Variants in FOXP2 observed in about 807,000 individuals in gnomAD.
FOXP2 encodes forkhead box protein P2.
In FOXP2, 12 loss-of-function variants were observed where a neutral mutation model predicts 115.8. The observed-to-expected ratio is 0.10, with a 90% CI of 0.07 to 0.17. The LOEUF is 0.17. Among genes scored for constraint, FOXP2 ranks in the 10% least tolerant of loss-of-function variants. The pLI is 1.00. For synonymous variants in FOXP2, 328 were observed against 297.7 expected (o/e 1.10, Z -1.05); for missense variants, 629 against 843.5 (o/e 0.75, Z 3.15).
intron 1 of FOXP2, among the ~76,000 whole-genome samples, chr7:114,116,846 G>A (rs980143251): frequency 2.0e-5 from 3 of 152,028 alleles, no homozygotes; most frequent in Non-Finnish European, 2.9e-5. Flanking sequence ...TCAGTCTCCC[G>A]CTCTTCAAAG....
chr7:114,398,114 A>G (rs1441411458), intron 2 of FOXP2, among the ~76,000 whole-genome samples: 4 of 152,168 alleles, frequency 2.6e-5, no homozygotes, highest in African/African-American at 4.8e-5. Context: ...AAGTTAACAT[A>G]TAATAAAAGA....
chr7:114,440,084 A>G (rs532729240), intron 2 of FOXP2, among the ~76,000 whole-genome samples: 6 of 152,154 alleles, frequency 3.9e-5, no homozygotes, highest in Non-Finnish European at 8.8e-5. Context: ...CATTAATATA[A>G]TGGTTAGGAC....
chr7:114,163,564 A>G (rs1792895593), intron 1 of FOXP2, among the ~76,000 whole-genome samples: 1 of 152,140 alleles, frequency 6.6e-6, no homozygotes, highest in Non-Finnish European at 1.5e-5. Flanking sequence ...ATTGAACTGA[A>G]TTTTTATCCA....
At chr7:114,563,777 T>C (rs1419565884) in intron 3 of FOXP2, among the ~76,000 whole-genome samples, 2 of 152,210 alleles carry the variant, frequency 1.3e-5, no homozygotes, top group Non-Finnish European at 2.9e-5. Context: ...ATTTACTATT[T>C]CCAAATGAAC....
chr7:114,517,546 T>C (rs1273901993), intron 2 of FOXP2, among the ~76,000 whole-genome samples: 2 of 152,200 alleles, frequency 1.3e-5, no homozygotes, highest in African/African-American at 2.4e-5. Flanking sequence ...ATCTAGTGGA[T>C]ATATGCAGTT....
rs75306477 is a variant in FOXP2 at position 114,628,569 on chromosome 7, C to T, written c.288C>T (p.Pro96=). The T allele has an allele frequency of 1.3e-4, 212 of 1,614,068 alleles. No homozygotes were observed. In the East Asian group the frequency reaches 4.3e-3, roughly 32 times the overall value. ...CTGTGTCAGTGGCCATGATGACTCC[C>T]CAGGTGATCACCCCTCAGCAAATGC... ...QVPVSVAMMT[P]QVITPQQMQQ... is the part of the protein sequence containing the mutation. Residue 96 remains proline (P), a synonymous_variant, in exon 4 of 17, where the codon CCC becomes CCT. Transcript: ENST00000350908.
chr7:114,352,741 TCCC>T (rs1791523696), intron 2 of FOXP2, among the ~76,000 whole-genome samples: 2 of 152,018 alleles, frequency 1.3e-5, no homozygotes, highest in South Asian at 4.2e-4. Flanking sequence ...AAACATCCTG[TCCC>T]TAAATACAGT....
intron 2 of FOXP2, among the ~76,000 whole-genome samples, chr7:114,514,958 A>G (rs1412387346): frequency 6.6e-6 from 1 of 151,134 alleles, no homozygotes; most frequent in Non-Finnish European, 1.5e-5. Context: ...ATGAGTGAGA[A>G]TATGCGGTGT....
At chr7:114,392,975 A>T (rs1177824073) in intron 2 of FOXP2, among the ~76,000 whole-genome samples, 3 of 152,126 alleles carry the variant, frequency 2.0e-5, no homozygotes, top group Non-Finnish European at 4.4e-5. Context: ...GGCCATTTAA[A>T]CCACATGGCT....
intron 3 of FOXP2, among the ~76,000 whole-genome samples, chr7:114,545,337 T>A (rs2129283641): frequency 6.6e-6 from 1 of 152,334 alleles, no homozygotes; most frequent in South Asian, 2.1e-4. Flanking sequence ...TGTCTAAATC[T>A]GAACTAATTA....
chr7:114,149,563 C>T (rs1792474521), intron 1 of FOXP2, among the ~76,000 whole-genome samples: 1 of 151,878 alleles, frequency 6.6e-6, no homozygotes, highest in South Asian at 2.1e-4. Flanking sequence ...CTTTAATTAC[C>T]ATCAAAGAGT....
At chr7:114,264,974 C>G (rs1273505132) in intron 1 of FOXP2, among the ~76,000 whole-genome samples, 1 of 152,164 alleles carries the variant, frequency 6.6e-6, no homozygotes, top group Non-Finnish European at 1.5e-5. Flanking sequence ...GCACTTCCCA[C>G]CAGGCCCTAC....
At chr7:114,448,411 G>A (rs559810554) in intron 2 of FOXP2, among the ~76,000 whole-genome samples, 49 of 152,188 alleles carry the variant, frequency 3.2e-4, no homozygotes, top group Middle Eastern at 6.8e-3. Flanking sequence ...GGCGCAGGCA[G>A]ACTCATACAA....
intron 1 of FOXP2, among the ~76,000 whole-genome samples, chr7:114,153,929 A>G (rs1584510848): frequency 6.6e-6 from 1 of 152,130 alleles, no homozygotes; most frequent in Non-Finnish European, 1.5e-5. Context: ...AGATCTGCAT[A>G]GTAAATCAAG....
At chr7:114,314,847 C>T (rs982779859) in intron 2 of FOXP2, among the ~76,000 whole-genome samples, 7 of 152,114 alleles carry the variant, frequency 4.6e-5, no homozygotes, top group African/African-American at 1.4e-4. Context: ...GGCATGGTCT[C>T]CATATTCCAC....
At chr7:114,500,789 A>G (rs1382137774) in intron 2 of FOXP2, among the ~76,000 whole-genome samples, 1 of 152,174 alleles carries the variant, frequency 6.6e-6, no homozygotes, top group African/African-American at 2.4e-5. Context: ...ATTTTTTCAC[A>G]TAAAAAGTAA....
intron 2 of FOXP2, among the ~76,000 whole-genome samples, chr7:114,521,320 T>G (rs923435450): frequency 6.6e-6 from 1 of 152,062 alleles, no homozygotes; most frequent in Non-Finnish European, 1.5e-5. Flanking sequence ...ATATCCTTTT[T>G]CTAGACCCAT....
intron 3 of FOXP2, 66 bp from the exon 4 acceptor site, chr7:114,628,474 T>C: frequency 6.3e-7 from 1 of 1,590,766 alleles, no homozygotes; most frequent in East Asian, 2.2e-5. Flanking sequence ...ATACTATTTG[T>C]GAAGTTGATT....
chr7:114,497,793 C>G (rs1479067011), intron 2 of FOXP2, among the ~76,000 whole-genome samples: 1 of 152,054 alleles, frequency 6.6e-6, no homozygotes, highest in Non-Finnish European at 1.5e-5. Flanking sequence ...ATATTTTCTT[C>G]TAAAGGTAAG....
Sources: gnomAD v4.1 joint callset for allele counts (sites outside exome capture counted in the v4.1 genomes callset) on GRCh38, gnomAD v4.1.1 for gene constraint, MANE v1.5 for transcripts, NCBI Gene and HGNC (gene_info 2026-07-23, HGNC 2026-07-21) for gene names.